The following TMPRSS11F variants were observed in gnomAD, a reference collection of about 807,000 sequenced individuals.
TMPRSS11F encodes the protein transmembrane protease serine 11F.
In TMPRSS11F, 47 loss-of-function variants were observed where a neutral mutation model predicts 60.2. The observed-to-expected ratio is 0.78, with a 90% CI of 0.62 to 1.00. The LOEUF (loss-of-function observed/expected upper bound fraction) is 1.00. TMPRSS11F is among the 50% of genes least tolerant of loss of function. The pLI is 0.00. For synonymous variants in TMPRSS11F, 166 were observed against 167.3 expected (o/e 0.99, Z 0.06); for missense variants, 519 against 522.9 (o/e 0.99, Z 0.07).
At chr4:68,078,413 T>C (rs1359436877) in intron 3 of TMPRSS11F, among the ~76,000 whole-genome samples, 1 of 152,204 alleles carries the variant, frequency 6.6e-6, no homozygotes, top group Admixed American at 6.5e-5. Flanking sequence ...CACCTTGTCA[T>C]CTTGAATATG....
intron 1 of TMPRSS11F, among the ~76,000 whole-genome samples, chr4:68,110,545 C>G (rs1315423132): frequency 6.6e-6 from 1 of 152,012 alleles, no homozygotes; most frequent in Non-Finnish European, 1.5e-5. Flanking sequence ...TGTAGTCCAG[C>G]TGTTCTATTT....
At chr4:68,124,945 A>ATTTTTTTTTTTTT (rs370189875) in intron 1 of TMPRSS11F, among the ~76,000 whole-genome samples, 9 of 94,114 alleles carry the variant, frequency 9.6e-5, no homozygotes, top group African/African-American at 1.5e-4. Context: ...CTAAACCAGC[A>ATTTTTTTTTTTTT]TTTTTTTTTT....
intron 9 of TMPRSS11F, among the ~76,000 whole-genome samples, chr4:68,057,848 A>T (rs1723079056): frequency 1.1e-5 from 1 of 90,600 alleles, no homozygotes; most frequent in Non-Finnish European, 3.2e-5. Flanking sequence ...AGAGATAAAG[A>T]TAATATGGTA....
rs1722982911 is a variant in TMPRSS11F at position 68,053,540 on chromosome 4, G to A, written c.*369C>T. 6.2e-6 allele frequency: 1 copy of A among 162,112 alleles called. No individual in the cohort carries two copies. Among genetic ancestry groups the A allele is most frequent in the African/African-American group, 2.4e-5 (1 of 41,852 alleles). The allele number at this position is 162,112 out of a possible 1,614,324, so 10.0% of individuals were successfully genotyped here. A position where few individuals can be genotyped will look rare whatever the true frequency, so the allele number is the denominator to read the frequency against. The stretch of plus-strand genomic sequence containing the variant: ...CTTTTTCACTAGAAGAATCTCACAT[G>A]CTCCAGGTATTATATGAGGTAAGAT... On this transcript the variant is annotated 3_prime_UTR_variant, in exon 10 of 10. Coordinates refer to ENST00000356291, the MANE Select transcript of TMPRSS11F (RefSeq NM_207407.2).
chr4:68,061,462 T>C (rs1220066792), intron 8 of TMPRSS11F, among the ~76,000 whole-genome samples: 4 of 152,214 alleles, frequency 2.6e-5, no homozygotes, highest in Admixed American at 2.0e-4. Flanking sequence ...GATGTTCCGA[T>C]TTAAACTGAG....
intron 3 of TMPRSS11F, among the ~76,000 whole-genome samples, chr4:68,081,719 C>T (rs779545575): frequency 2.4e-4 from 36 of 152,040 alleles, no homozygotes; most frequent in Non-Finnish European, 2.1e-4. Context: ...TTGGCAAAAA[C>T]GATGGAGTAC....
chr4:68,104,708 G>A lies in TMPRSS11F; in HGVS notation c.12-5670C>T, dbSNP rs560722437. On this transcript the variant is annotated intron_variant, in intron 1 of 9. Transcript: ENST00000356291. The stretch of plus-strand genomic sequence containing the variant: ...ACACCTTCTATTCCAAAACTGTTGA[G>A]AATTTTTATCAAGAAATAATGTTGA... Among the ~76,000 whole-genome samples, 4 of 152,202 alleles carry A rather than the reference G, an allele frequency of 2.6e-5. No homozygotes were observed. In the East Asian group the frequency reaches 7.7e-4, roughly 29 times the overall value.
At chr4:68,124,945 A>T (rs373764781) in intron 1 of TMPRSS11F, among the ~76,000 whole-genome samples, 75 of 94,118 alleles carry the variant, frequency 8.0e-4, no homozygotes, top group South Asian at 1.8e-3. Flanking sequence ...CTAAACCAGC[A>T]TTTTTTTTTT....
Position 68,084,161 on chromosome 4 carries a change from G to C in TMPRSS11F, c.282+6362C>G, listed in dbSNP as rs139130763. ...AAAGAACGAAACCTCCAAGAAACATGAGATTATGTAAAGAGACCAAACCTA... is the reference window on the plus strand; with the variant it reads ...AAAGAACGAAACCTCCAAGAAACATCAGATTATGTAAAGAGACCAAACCTA... On this transcript the variant is annotated intron_variant, in intron 3 of 9. Transcript: ENST00000356291. 4.6e-5 allele frequency among the ~76,000 whole-genome samples: 7 copies of C among 152,110 alleles called. No homozygotes were observed. In the East Asian group the frequency reaches 1.3e-3, roughly 29 times the overall value.
chr4:68,065,323 G>A (rs557438755), intron 7 of TMPRSS11F, among the ~76,000 whole-genome samples: 6 of 151,988 alleles, frequency 3.9e-5, no homozygotes, highest in Non-Finnish European at 8.8e-5. Context: ...TCACTTTTTG[G>A]TTCTTATTTT....
intron 8 of TMPRSS11F, 147 bp from the exon 9 acceptor site, chr4:68,059,615 T>C (rs1723115097): frequency 1.3e-6 from 1 of 787,024 alleles, no homozygotes; most frequent in East Asian, 2.7e-5. Flanking sequence ...CATAAATGTC[T>C]ACATGCAAGG....
At chr4:68,129,158 A>G (rs1453774901) in intron 1 of TMPRSS11F, among the ~76,000 whole-genome samples, 2 of 152,152 alleles carry the variant, frequency 1.3e-5, no homozygotes, top group African/African-American at 4.8e-5. Context: ...AAGTCTATAA[A>G]ACAATAGCCT....
At chr4:68,110,183 A>G (rs2109880179) in intron 1 of TMPRSS11F, among the ~76,000 whole-genome samples, 1 of 152,348 alleles carries the variant, frequency 6.6e-6, no homozygotes, top group East Asian at 1.9e-4. Flanking sequence ...TCTTAATGGC[A>G]TGGGTTAACT....
chr4:68,062,892 CT>C (rs763656150), intron 8 of TMPRSS11F: 10 of 801,866 alleles, frequency 1.2e-5, no homozygotes, highest in South Asian at 8.0e-5. Flanking sequence ...AAGTGGCTGC[CT>C]TTTATCACTT....
intron 2 of TMPRSS11F, among the ~76,000 whole-genome samples, chr4:68,096,206 C>T (rs1235938910): frequency 3.3e-5 from 5 of 151,970 alleles, no homozygotes; most frequent in South Asian, 2.1e-4. Flanking sequence ...CAAAAAAATA[C>T]GTACAATGCT....
At chr4:68,126,410 C>A (rs549850433) in intron 1 of TMPRSS11F, among the ~76,000 whole-genome samples, 1 of 152,158 alleles carries the variant, frequency 6.6e-6, no homozygotes, top group Non-Finnish European at 1.5e-5. Flanking sequence ...TCCATCAGCA[C>A]CACAACTTAA....
At chr4:68,120,267 G>A (rs1179303434) in intron 1 of TMPRSS11F, among the ~76,000 whole-genome samples, 3 of 152,002 alleles carry the variant, frequency 2.0e-5, no homozygotes, top group Admixed American at 2.0e-4. Context: ...TAATACATAT[G>A]CTTAGTTGAT....
At chr4:68,066,907 C>G (rs1487650770) in intron 7 of TMPRSS11F, among the ~76,000 whole-genome samples, 1 of 144,612 alleles carries the variant, frequency 6.9e-6, no homozygotes, top group Non-Finnish European at 1.5e-5. Flanking sequence ...GCACTCTGGC[C>G]TGGGCAAAAG....
intron 7 of TMPRSS11F, 24 bp from the exon 8 acceptor site, chr4:68,064,968 C>G (rs375096323): frequency 6.3e-7 from 1 of 1,589,358 alleles, no homozygotes; most frequent in Non-Finnish European, 8.6e-7. Context: ...AAAAGTAATA[C>G]TTGTGATGCT....
Sources: gnomAD v4.1 joint callset for allele counts (sites outside exome capture counted in the v4.1 genomes callset) on GRCh38, gnomAD v4.1.1 for gene constraint, MANE v1.5 for transcripts, NCBI Gene and HGNC (gene_info 2026-07-23, HGNC 2026-07-21) for gene names.